Variants in PHF21A observed in about 807,000 individuals in gnomAD.
The protein encoded by PHF21A is BHC80a.
Under a neutral mutation model 82.5 loss-of-function variants are expected in PHF21A, and 11 were observed. That is an observed-to-expected ratio of 0.13 (90% CI 0.08 to 0.22). PHF21A has a LOEUF of 0.22. PHF21A is among the 10% of genes least tolerant of loss of function. The probability of loss-of-function intolerance (pLI) is 1.00; values close to 1 mark genes in which losing one functional copy is unlikely to be tolerated. For synonymous variants in PHF21A, 297 were observed against 302.8 expected (o/e 0.98, Z 0.20); for missense variants, 579 against 837.8 (o/e 0.69, Z 3.81).
intron 11 of PHF21A, 42 bp downstream of exon 11, chr11:45,953,485 T>C: frequency 1.6e-6 from 2 of 1,240,046 alleles, no homozygotes; most frequent in African/African-American, 1.5e-5. Flanking sequence ...GAATAAACCA[T>C]ACACCATAGA....
chr11:46,081,317 A>G (rs2096788497), intron 4 of PHF21A, among the ~76,000 whole-genome samples: 1 of 152,166 alleles, frequency 6.6e-6, no homozygotes, highest in Non-Finnish European at 1.5e-5. Context: ...ATATTCCAAG[A>G]GTTTAAAGGG....
chr11:46,032,384 G>C (rs1182615260), intron 6 of PHF21A, among the ~76,000 whole-genome samples: 2 of 151,826 alleles, frequency 1.3e-5, no homozygotes, highest in Non-Finnish European at 2.9e-5. Context: ...CATGTCCTTC[G>C]TTTATTTAAT....
Position 45,929,391 on chromosome 11 carries a change from TC to T in PHF21A, c.*4576del, listed in dbSNP as rs200626824. 28 of 151,568 alleles carry T rather than the reference TC, an allele frequency of 1.8e-4. No individual in the cohort carries two copies. The highest frequency in any genetic ancestry group is 4.1e-4 in the South Asian group (2 of 4,926). The allele number at this position is 151,568 out of a possible 1,614,324, so 9.4% of individuals were successfully genotyped here. On this transcript the variant is annotated 3_prime_UTR_variant, in exon 19 of 19. Coordinates refer to ENST00000676320, the MANE Select transcript of PHF21A (RefSeq NM_001352027.3). ...ATACAAATTGATCAGCTGCTCTGTA[TC>T]CCCCCCCACCCCCTCAAAACAAAAA...
chr11:45,948,966 A>G lies in PHF21A; in HGVS notation c.1228-20T>C, dbSNP rs768692641. ...CTTACGCTTTGAGGGTTGAAGGAGGAAAGGTGACTGTTGAGTAGTGTGGTT... is the reference window on the plus strand; with the variant it reads ...CTTACGCTTTGAGGGTTGAAGGAGGGAAGGTGACTGTTGAGTAGTGTGGTT... On this transcript the variant is annotated intron_variant, in intron 13 of 18. Coordinates refer to ENST00000676320, the MANE Select transcript of PHF21A (RefSeq NM_001352027.3). 6.2e-7 allele frequency: 1 copy of G among 1,604,656 alleles called. No individual in the cohort carries two copies. Among genetic ancestry groups the G allele is most frequent in the South Asian group, 1.1e-5 (1 of 90,858 alleles).
intron 6 of PHF21A, among the ~76,000 whole-genome samples, chr11:46,019,117 T>C (rs1190886568): frequency 6.6e-6 from 1 of 151,934 alleles, no homozygotes; most frequent in Non-Finnish European, 1.5e-5. Flanking sequence ...CCTTTGAAAC[T>C]CACAGACTCC....
At position 45,956,185 on chromosome 11, in the gene PHF21A, C is replaced by G. The variant is rs188916155; in HGVS notation, c.997-2560G>C. On this transcript the variant is annotated intron_variant, in intron 10 of 18. Transcript: ENST00000676320. Reference sequence around the variant, plus strand: ...ATATGTTAAAGGGAGTCCCTTCAGGCTGAAATGAAAGGACACTAGACAGTA... The same window carrying G: ...ATATGTTAAAGGGAGTCCCTTCAGGGTGAAATGAAAGGACACTAGACAGTA... 2.0e-5 allele frequency among the ~76,000 whole-genome samples: 3 copies of G among 152,220 alleles called. No homozygotes were observed. In the East Asian group the frequency reaches 5.8e-4, roughly 29 times the overall value.
chr11:46,081,662 T>C (rs761303006), intron 4 of PHF21A, among the ~76,000 whole-genome samples: 3 of 152,204 alleles, frequency 2.0e-5, no homozygotes, highest in Admixed American at 6.5e-5. Context: ...TAAGCTGACA[T>C]TGTGTTAACA....
At chr11:45,989,043 G>C (rs2094587154) in intron 6 of PHF21A, among the ~76,000 whole-genome samples, 1 of 152,048 alleles carries the variant, frequency 6.6e-6, no homozygotes, top group African/African-American at 2.4e-5. Context: ...TTTCTGACAA[G>C]ACACCCCTCG....
intron 6 of PHF21A, among the ~76,000 whole-genome samples, chr11:46,055,272 A>T (rs2139297269): frequency 6.6e-6 from 1 of 152,322 alleles, no homozygotes; most frequent in East Asian, 1.9e-4. Context: ...AAAGCATTAA[A>T]TTATGGATTT....
At chr11:46,070,995 T>A (rs1311464509) in intron 6 of PHF21A, among the ~76,000 whole-genome samples, 2 of 152,236 alleles carry the variant, frequency 1.3e-5, no homozygotes, top group Non-Finnish European at 2.9e-5. Flanking sequence ...AGATACATGG[T>A]TAAAAATTTT....
chr11:46,072,653 T>C (rs2134783514), intron 6 of PHF21A, among the ~76,000 whole-genome samples: 1 of 152,300 alleles, frequency 6.6e-6, no homozygotes, highest in Middle Eastern at 3.4e-3. Flanking sequence ...TATGGTTCAA[T>C]GTGAGATAAT....
chr11:46,071,978 A>G (rs957239396), intron 6 of PHF21A, among the ~76,000 whole-genome samples: 6 of 152,214 alleles, frequency 3.9e-5, no homozygotes, highest in African/African-American at 4.8e-5. Flanking sequence ...TTTAAAGAAT[A>G]TAAGTGCCTC....
At chr11:45,957,774 AAAG>A (rs1183363165) in intron 10 of PHF21A, among the ~76,000 whole-genome samples, 1 of 150,790 alleles carries the variant, frequency 6.6e-6, no homozygotes, top group African/African-American at 2.4e-5. Flanking sequence ...AAAAAAGAAA[AAAG>A]AAAATAAAGT....
At chr11:45,937,221 T>G (rs1488770383) in intron 16 of PHF21A, among the ~76,000 whole-genome samples, 1 of 152,198 alleles carries the variant, frequency 6.6e-6, no homozygotes, top group Non-Finnish European at 1.5e-5. Context: ...GCTGAGCTAT[T>G]GGGCTTGCTT....
At position 46,030,806 on chromosome 11, in the gene PHF21A, AGT is replaced by A. The variant is rs995343173; in HGVS notation, c.153+45946_153+45947del. Among the ~76,000 whole-genome samples the A allele has an allele frequency of 1.5e-3, 206 of 137,092 alleles. 1 individual carries two copies. Among genetic ancestry groups the A allele is most frequent in the Non-Finnish European group, 2.1e-3 (136 of 63,294 alleles). 89.9% of individuals were successfully genotyped at this position (137,092 alleles called of 152,430 possible). A position where few individuals can be genotyped will look rare whatever the true frequency, so the allele number is the denominator to read the frequency against. On this transcript the variant is annotated intron_variant, in intron 6 of 18. Coordinates refer to ENST00000676320, the MANE Select transcript of PHF21A (RefSeq NM_001352027.3). ...GACGATCATTTCTTCTAAACCACAT[AGT>A]GTGTGTGTGTGCGTGTGTGTGCGTG...
rs1231892138 is a variant in PHF21A, at chr11:45,932,860, C to T, written c.*1108G>A. 6.6e-6 allele frequency: 1 copy of T among 152,548 alleles called. No homozygotes were observed. The highest frequency in any genetic ancestry group is 1.5e-5 in the Non-Finnish European group (1 of 68,036). The allele number at this position is 152,548 out of a possible 1,614,324, so 9.4% of individuals were successfully genotyped here. ...TCTACCATGCAAGGTCTTGGCTACC[C>T]TTAATTGGACTGTCAGCCTGAAAAA... On this transcript the variant is annotated 3_prime_UTR_variant, in exon 19 of 19. Coordinates refer to ENST00000676320, the MANE Select transcript of PHF21A (RefSeq NM_001352027.3). This position sits in a 1 kb window ranked among gnomAD's most constrained non-coding sequence, Gnocchi z 4.3.
intron 6 of PHF21A, among the ~76,000 whole-genome samples, chr11:46,037,573 G>A (rs909470409): frequency 6.8e-6 from 1 of 146,772 alleles, no homozygotes; most frequent in Non-Finnish European, 1.5e-5. Context: ...TCCGGGAGCC[G>A]CCTCTGTTGC....
intron 10 of PHF21A, among the ~76,000 whole-genome samples, chr11:45,955,420 CTT>C (rs2092560692): frequency 2.0e-5 from 3 of 152,114 alleles, no homozygotes; most frequent in Non-Finnish European, 4.4e-5. Flanking sequence ...TTTCATGTCT[CTT>C]TGAATAGGAA....
intron 6 of PHF21A, among the ~76,000 whole-genome samples, chr11:46,031,522 G>A (rs1177728652): frequency 6.6e-6 from 1 of 152,122 alleles, no homozygotes; most frequent in Non-Finnish European, 1.5e-5. Flanking sequence ...TGAGGTGAGG[G>A]TCTGGCAGGA....
Sources: gnomAD v4.1 joint callset for allele counts (sites outside exome capture counted in the v4.1 genomes callset) on GRCh38, gnomAD v4.1.1 for gene constraint, Gnocchi (gnomAD v3.1) non-coding constraint, MANE v1.5 for transcripts, NCBI Gene and HGNC (gene_info 2026-07-23, HGNC 2026-07-21) for gene names.